Variants in DNAH6 observed in about 807,000 individuals in gnomAD.
DNAH6 encodes axonemal beta dynein heavy chain 6.
DNAH6 carries 340 observed loss-of-function variants against 491.4 expected under a neutral mutation model. The ratio of observed to expected loss-of-function variants is 0.69; its 90% CI spans 0.63 to 0.76. The LOEUF is 0.76. Among genes scored for constraint, DNAH6 ranks in the 30% least tolerant of loss-of-function variants. The probability of loss-of-function intolerance (pLI) is 0.00; values close to 1 mark genes in which losing one functional copy is unlikely to be tolerated. For missense variants in DNAH6, 4,443 were observed against 4,972.2 expected (o/e 0.89, Z 3.20); for synonymous variants, 1,603 against 1,686.1 (o/e 0.95, Z 1.21).
At chr2:84,766,044 A>G (rs1675045801) in intron 64 of DNAH6, among the ~76,000 whole-genome samples, 2 of 152,156 alleles carry the variant, frequency 1.3e-5, no homozygotes, top group Admixed American at 1.3e-4. Flanking sequence ...GTACACAACT[A>G]ACAACAAATG....
intron 76 of DNAH6, among the ~76,000 whole-genome samples, chr2:84,817,177 G>C (rs1164272374): frequency 6.6e-6 from 1 of 151,338 alleles, no homozygotes; most frequent in Non-Finnish European, 1.5e-5. Context: ...ACTTAAGACT[G>C]TCAGAGACCA....
intron 29 of DNAH6, among the ~76,000 whole-genome samples, chr2:84,633,271 C>A (rs1688574370): frequency 6.6e-6 from 1 of 152,124 alleles, no homozygotes; most frequent in Admixed American, 6.6e-5. Flanking sequence ...TTCCTTATCT[C>A]CCAAGCCTAA....
chr2:84,609,269 C>T (rs1686080578), intron 21 of DNAH6, among the ~76,000 whole-genome samples: 1 of 152,134 alleles, frequency 6.6e-6, no homozygotes, highest in Non-Finnish European at 1.5e-5. Flanking sequence ...AAGAACTTTT[C>T]CTTTGCATTC....
chr2:84,655,631 C>T (rs1690890554), intron 35 of DNAH6, among the ~76,000 whole-genome samples: 1 of 152,072 alleles, frequency 6.6e-6, no homozygotes, highest in African/African-American at 2.4e-5. Context: ...TTGTCATTGG[C>T]TACCTTAAGA....
intron 37 of DNAH6, among the ~76,000 whole-genome samples, chr2:84,666,629 C>T (rs1457211452): frequency 6.6e-6 from 1 of 152,170 alleles, no homozygotes. Flanking sequence ...ACATTCCATG[C>T]TCATGGATAG....
chr2:84,798,771 G>A (rs1223193239), intron 70 of DNAH6, among the ~76,000 whole-genome samples: 1 of 152,178 alleles, frequency 6.6e-6, no homozygotes, highest in African/African-American at 2.4e-5. Flanking sequence ...TGGCAGCCCA[G>A]GAGTAGTTCA....
At chr2:84,501,742 T>C in the DNAH6 span, among the ~76,000 whole-genome samples, 4 of 150,338 alleles carry the variant, frequency 2.7e-5, no homozygotes, top group East Asian at 7.8e-4. Flanking sequence ...GATTTCTTTC[T>C]GGTTCAATCT....
At chr2:84,701,430 C>T in intron 49 of DNAH6, 91 bp downstream of exon 49, 1 of 1,349,204 alleles carries the variant, frequency 7.4e-7, no homozygotes. Flanking sequence ...TCTTACCTGT[C>T]AGGGCCCTGT....
At chr2:84,565,780 A>C (rs755297348) in intron 11 of DNAH6, among the ~76,000 whole-genome samples, 1 of 151,940 alleles carries the variant, frequency 6.6e-6, no homozygotes, top group South Asian at 2.1e-4. Context: ...GGGTGCTCCA[A>C]TGTTGGCTGT....
chr2:84,684,225 A>G (rs909887586), intron 42 of DNAH6, among the ~76,000 whole-genome samples: 1 of 152,226 alleles, frequency 6.6e-6, no homozygotes, highest in Non-Finnish European at 1.5e-5. Context: ...ACATTAGAAT[A>G]TGACTTCGTT....
intron 3 of DNAH6, among the ~76,000 whole-genome samples, chr2:84,528,429 G>A (rs558519293): frequency 3.9e-5 from 6 of 152,156 alleles, no homozygotes; most frequent in South Asian, 2.1e-4. Context: ...CAATATAACC[G>A]CCCCTCATAT....
At position 84,611,751 on chromosome 2, in the gene DNAH6, G is replaced by GCCTGCAGAGGCCAAGATGTT; in HGVS notation, c.3376_3395dup (p.Val1134ArgfsTer16). ...ATGCTCCAGACATTCAGAGGCAATT[G>GCCTGCAGAGGCCAAGATGTT]CCTGCAGAGGCCAAGATGTTCCTTC... On this transcript the variant is annotated frameshift_variant, in exon 22 of 77. Transcript: ENST00000389394. LOFTEE classifies it high-confidence loss of function. The GCCTGCAGAGGCCAAGATGTT allele has an allele frequency of 6.4e-7, 1 of 1,551,210 alleles. No individual in the cohort carries two copies. The highest frequency in any genetic ancestry group is 2.4e-5 in the East Asian group (1 of 40,910).
chr2:84,634,579 A>G lies in DNAH6; in HGVS notation c.4591A>G (p.Ile1531Val), dbSNP rs1356945896. Reference sequence around the variant, plus strand: ...CTTTGATGAATTTAATCGAATTGACATAGAAGTTCTGTCCGTCATCGCGCA... The same window carrying G: ...CTTTGATGAATTTAATCGAATTGACGTAGAAGTTCTGTCCGTCATCGCGCA... ...CCFDEFNRIDIEVLSVIAQQL... is the reference protein window; with the variant it reads ...CCFDEFNRIDVEVLSVIAQQL... Residue 1531 changes from isoleucine (I) to valine (V), a missense_variant, in exon 30 of 77, where the codon ATA becomes GTA. By Grantham distance (29) the Ile-to-Val change is conservative (BLOSUM62 3). Transcript: ENST00000389394. 6.4e-6 allele frequency: 10 copies of G among 1,550,636 alleles called. No homozygotes were observed. The highest frequency in any genetic ancestry group is 1.2e-5 in the South Asian group (1 of 83,844).
chr2:84,478,161 T>C, the DNAH6 span, among the ~76,000 whole-genome samples: 2 of 152,132 alleles, frequency 1.3e-5, no homozygotes, highest in Admixed American at 1.3e-4. Context: ...GGGAAGATGG[T>C]ACAACACAAA....
At chr2:84,521,649 A>G (rs930381446) in intron 2 of DNAH6, among the ~76,000 whole-genome samples, 1 of 152,076 alleles carries the variant, frequency 6.6e-6, no homozygotes, top group Non-Finnish European at 1.5e-5. Context: ...TAATTTTTGT[A>G]TATGGTGTAA....
upstream of DNAH6, among the ~76,000 whole-genome samples, chr2:84,511,797 C>G (rs1020009140): frequency 6.6e-6 from 1 of 152,058 alleles, no homozygotes; most frequent in Non-Finnish European, 1.5e-5. Flanking sequence ...TTTCCCTCTT[C>G]TTCTGTTAAT....
intron 64 of DNAH6, chr2:84,777,132 T>C (rs1462690046): frequency 1.2e-5 from 2 of 163,440 alleles, no homozygotes; most frequent in Non-Finnish European, 2.7e-5. Context: ...CATTAGGAGA[T>C]ATACCCAATG....
chr2:84,633,555 T>C (rs1188251832), intron 29 of DNAH6, among the ~76,000 whole-genome samples: 1 of 152,100 alleles, frequency 6.6e-6, no homozygotes, highest in Non-Finnish European at 1.5e-5. Flanking sequence ...GTTGCATGAA[T>C]TGCAACTTGT....
At chr2:84,553,221 A>G (rs764500544) in intron 10 of DNAH6, among the ~76,000 whole-genome samples, 187 bp downstream of exon 10, 2 of 152,168 alleles carry the variant, frequency 1.3e-5, no homozygotes, top group Non-Finnish European at 2.9e-5. Flanking sequence ...TTAGCACATT[A>G]TCTTTAACTT....
Sources: gnomAD v4.1 joint callset for allele counts (sites outside exome capture counted in the v4.1 genomes callset) on GRCh38, gnomAD v4.1.1 for gene constraint, MANE v1.5 for transcripts, NCBI Gene and HGNC (gene_info 2026-07-23, HGNC 2026-07-21) for gene names.